Variants in XKR6 observed in about 807,000 individuals in gnomAD.
XKR6 encodes the protein XK-related protein 6.
In XKR6, 22 loss-of-function variants were observed where a neutral mutation model predicts 56.7. That is an observed-to-expected ratio of 0.39 (90% confidence interval 0.28 to 0.55). The LOEUF (loss-of-function observed/expected upper bound fraction) is 0.55, where lower values mean the gene tolerates loss of function less well. Among genes scored for constraint, XKR6 ranks in the 20% least tolerant of loss-of-function variants. The pLI is 0.66. For missense variants in XKR6, 852 were observed against 889.0 expected (o/e 0.96, Z 0.53); for synonymous variants, 524 against 387.8 (o/e 1.35, Z -4.13).
At chr8:10,903,310 GC>G (rs1800095309) in intron 2 of XKR6, among the ~76,000 whole-genome samples, 1 of 152,180 alleles carries the variant, frequency 6.6e-6, no homozygotes, top group African/African-American at 2.4e-5. Context: ...AGCGAAGGGT[GC>G]CTTGAGGACA....
chr8:11,199,851 G>T (rs1268013290), intron 1 of XKR6, among the ~76,000 whole-genome samples: 1 of 152,058 alleles, frequency 6.6e-6, no homozygotes, highest in Non-Finnish European at 1.5e-5. Flanking sequence ...CCCAGAATAG[G>T]TATCCAGGTG....
intron 2 of XKR6, among the ~76,000 whole-genome samples, chr8:10,908,701 G>A (rs887043668): frequency 2.0e-5 from 3 of 152,136 alleles, no homozygotes; most frequent in Non-Finnish European, 2.9e-5. Flanking sequence ...TGGTTTGAAT[G>A]TGTCCCCCAA....
At chr8:11,123,533 T>A (rs1799581948) in intron 1 of XKR6, 1 of 255,592 alleles carries the variant, frequency 3.9e-6, no homozygotes, top group Admixed American at 5.0e-5. Context: ...AAAGCTTCTA[T>A]GACAATATCA....
intron 1 of XKR6, among the ~76,000 whole-genome samples, chr8:11,041,459 G>T (rs1330234199): frequency 6.6e-6 from 1 of 152,090 alleles, no homozygotes; most frequent in Non-Finnish European, 1.5e-5. Context: ...GGGAGGCTGA[G>T]GCAGGAGTAT....
chr8:11,188,227 A>G (rs1803376278), intron 1 of XKR6, among the ~76,000 whole-genome samples: 1 of 152,218 alleles, frequency 6.6e-6, no homozygotes, highest in Non-Finnish European at 1.5e-5. Context: ...TGCCTGACAC[A>G]TATCACATTT....
Position 11,200,686 on chromosome 8 carries a change from A to T in XKR6, c.654T>A (p.Gly218=), listed in dbSNP as rs1804166324. The change falls in exon 1 of 3, where the codon GGT becomes GGA. Residue 218 remains glycine (G), a synonymous_variant. Coordinates refer to ENST00000416569, the MANE Select transcript of XKR6 (RefSeq NM_173683.4). This position sits in a 1 kb window ranked among gnomAD's most constrained non-coding sequence, Gnocchi z 6.4. ...GAGYVHGAAR[G]GPGVRVSPTP... ...TGGGGGAGACCCTCACGCCTGGGCC[A>T]CCGCGGGCCGCGCCGTGGACGTAGC... The T allele has an allele frequency of 1.3e-6, 2 of 1,568,438 alleles. No individual in the cohort carries two copies. Among genetic ancestry groups the T allele is most frequent in the Non-Finnish European group, 1.7e-6 (2 of 1,166,048 alleles).
chr8:11,193,095 C>G (rs1360003377), intron 1 of XKR6, among the ~76,000 whole-genome samples: 1 of 152,210 alleles, frequency 6.6e-6, no homozygotes, highest in Non-Finnish European at 1.5e-5. Context: ...TAATTATCAA[C>G]CCTACCTTTC....
At chr8:11,080,343 A>G (rs11986748) in intron 1 of XKR6, among the ~76,000 whole-genome samples, 33,807 of 152,130 alleles carry the variant, frequency 0.22, 4,179 homozygotes, top group African/African-American at 0.32. Flanking sequence ...TCTTTTTATA[A>G]GAAAGGACAG....
intron 1 of XKR6, among the ~76,000 whole-genome samples, chr8:10,933,164 T>C (rs1801112017): frequency 7.4e-6 from 1 of 134,620 alleles, no homozygotes; most frequent in African/African-American, 3.0e-5. Context: ...TGAGCATTTT[T>C]TCATGTGTTT....
intron 1 of XKR6, among the ~76,000 whole-genome samples, chr8:10,972,402 G>A (rs1802434929): frequency 6.6e-6 from 1 of 152,206 alleles, no homozygotes. Flanking sequence ...AAACTCCAAA[G>A]GCTGCTGCTT....
intron 1 of XKR6, among the ~76,000 whole-genome samples, chr8:11,050,377 T>TAC (rs770015840): frequency 3.6e-5 from 2 of 55,112 alleles, no homozygotes; most frequent in African/African-American, 9.7e-5. Flanking sequence ...CTCATCAGTG[T>TAC]AAAATAAGGG....
chr8:11,001,052 A>G (rs936929028), intron 1 of XKR6, among the ~76,000 whole-genome samples: 1 of 152,248 alleles, frequency 6.6e-6, no homozygotes, highest in Non-Finnish European at 1.5e-5. Flanking sequence ...CTCTGGATTT[A>G]GGAGCGAAAA....
chr8:11,160,911 C>CAAAAAAAAAAAA lies in XKR6; in HGVS notation c.764+39653_764+39664dup, dbSNP rs33931830. On this transcript the variant is annotated intron_variant, in intron 1 of 2. Coordinates refer to ENST00000416569, the MANE Select transcript of XKR6 (RefSeq NM_173683.4). ...TGGGCAACAGAACGAGACTCCGTCT[C>CAAAAAAAAAAAA]AAAAAAAAAAAAAAAAAAAAGAAAA... Among the ~76,000 whole-genome samples, 300 of 62,778 alleles carry CAAAAAAAAAAAA rather than the reference C, an allele frequency of 4.8e-3. 7 individuals carry two copies. Among genetic ancestry groups the CAAAAAAAAAAAA allele is most frequent in the East Asian group, 9.5e-3 (15 of 1,576 alleles). 41.2% of individuals were successfully genotyped at this position (62,778 alleles called of 152,430 possible).
At chr8:10,919,098 G>A (rs1800642191) in intron 2 of XKR6, among the ~76,000 whole-genome samples, 1 of 152,034 alleles carries the variant, frequency 6.6e-6, no homozygotes, top group Non-Finnish European at 1.5e-5. Context: ...TCCCAATTGG[G>A]GCCCTGCCTT....
intron 1 of XKR6, among the ~76,000 whole-genome samples, chr8:11,188,622 A>G (rs1803394888): frequency 1.3e-5 from 2 of 152,226 alleles, no homozygotes; most frequent in African/African-American, 4.8e-5. Context: ...CTTTGAAGGC[A>G]AAGTGGCATC....
chr8:11,020,931 T>C (rs572030319), intron 1 of XKR6, among the ~76,000 whole-genome samples: 13 of 152,308 alleles, frequency 8.5e-5, no homozygotes, highest in African/African-American at 2.6e-4. Context: ...TTGCTTAGCA[T>C]AGTGGCTGGC....
At chr8:11,163,169 T>A (rs1165785401) in intron 1 of XKR6, among the ~76,000 whole-genome samples, 1 of 152,164 alleles carries the variant, frequency 6.6e-6, no homozygotes, top group African/African-American at 2.4e-5. Context: ...AATTTAATAA[T>A]AAAAATTGTT....
chr8:10,937,920 G>GGTA lies in XKR6; in HGVS notation c.765-13091_765-13090insTAC, dbSNP rs1483751102. On this transcript the variant is annotated intron_variant, in intron 1 of 2. Coordinates refer to ENST00000416569, the MANE Select transcript of XKR6 (RefSeq NM_173683.4). ...CAGGCAGGCCTCCTTGAGCTGTGGT[G>GGTA]GGCTCCACCCAGTTCGAGCTTCCCG... Among the ~76,000 whole-genome samples the GGTA allele has an allele frequency of 2.0e-5, 3 of 151,668 alleles. No individual in the cohort carries two copies. The East Asian group carries it at 5.8e-4, about 29-fold the overall frequency.
intron 1 of XKR6, among the ~76,000 whole-genome samples, chr8:11,130,386 A>C (rs868415096): frequency 1.8e-4 from 28 of 152,144 alleles, no homozygotes; most frequent in Admixed American, 5.9e-4. Context: ...GCCACGTAGT[A>C]GTCTGGTTGG....
Sources: allele counts gnomAD v4.1 joint callset (sites outside exome capture counted in the v4.1 genomes callset), GRCh38; gene constraint gnomAD v4.1.1; non-coding constraint Gnocchi (gnomAD v3.1); transcripts MANE v1.5; gene names NCBI Gene and HGNC (gene_info 2026-07-23, HGNC 2026-07-21).